The following UGT1A10 variants were observed in gnomAD, a reference collection of about 807,000 sequenced individuals.
UGT1A10 encodes the protein UDP-glucuronosyltransferase 1A10.
In UGT1A10, 49 loss-of-function variants were observed where a neutral mutation model predicts 45.8. The ratio of observed to expected loss-of-function variants is 1.07; its 90% CI spans 0.85 to 1.36. UGT1A10 has a LOEUF of 1.36. Among genes scored for constraint, UGT1A10 ranks in the 40% most tolerant of loss-of-function variants. UGT1A10 has a pLI of 0.00. For missense variants in UGT1A10, 745 were observed against 668.6 expected (o/e 1.11, Z -1.26); for synonymous variants, 284 against 249.7 (o/e 1.14, Z -1.29).
At chr2:233,726,413 T>C (rs2125719382) in intron 1 of UGT1A10, among the ~76,000 whole-genome samples, 1 of 152,348 alleles carries the variant, frequency 6.6e-6, no homozygotes, top group African/African-American at 2.4e-5. Context: ...GTCAGCATTC[T>C]GATTCTGTCC....
intron 1 of UGT1A10, chr2:233,728,967 A>C: frequency 8.9e-6 from 13 of 1,466,634 alleles, no homozygotes; most frequent in Non-Finnish European, 1.2e-5. Flanking sequence ...AAAAACAGTG[A>C]TAGATTAATG....
intron 1 of UGT1A10, among the ~76,000 whole-genome samples, chr2:233,728,063 G>A (rs1347092156): frequency 6.6e-6 from 1 of 152,218 alleles, no homozygotes; most frequent in African/African-American, 2.4e-5. Flanking sequence ...TGAGGCCCTT[G>A]TGAGTGCTCA....
chr2:233,727,191 G>A (rs764445830), intron 1 of UGT1A10, among the ~76,000 whole-genome samples: 4 of 152,118 alleles, frequency 2.6e-5, no homozygotes, highest in Non-Finnish European at 4.4e-5. Context: ...CTTTGCTGGG[G>A]TGACCTCACT....
intron 1 of UGT1A10, chr2:233,672,204 C>G: frequency 1.2e-6 from 2 of 1,614,170 alleles, no homozygotes; most frequent in Non-Finnish European, 1.7e-6. Context: ...ACCGGGAGTT[C>G]AAGGCTTTTG....
intron 1 of UGT1A10, among the ~76,000 whole-genome samples, chr2:233,640,760 A>G (rs1398038803): frequency 6.6e-6 from 1 of 152,166 alleles, no homozygotes; most frequent in Non-Finnish European, 1.5e-5. Context: ...AATCTTAGGT[A>G]GGGCCAACTC....
chr2:233,664,543 T>C (rs1206446534), intron 1 of UGT1A10, among the ~76,000 whole-genome samples: 2 of 152,212 alleles, frequency 1.3e-5, no homozygotes, highest in African/African-American at 4.8e-5. Flanking sequence ...TGGGGAAGCC[T>C]CAGGGAGTGT....
intron 1 of UGT1A10, among the ~76,000 whole-genome samples, chr2:233,738,560 A>T (rs943884340): frequency 6.6e-6 from 1 of 152,198 alleles, no homozygotes; most frequent in Non-Finnish European, 1.5e-5. Flanking sequence ...AGAGATGAGG[A>T]ATCTGTTGAG....
chr2:233,765,286 A>G (rs1698795381), intron 1 of UGT1A10, among the ~76,000 whole-genome samples: 1 of 152,246 alleles, frequency 6.6e-6, no homozygotes. Flanking sequence ...AAATTATTCT[A>G]CTATAAAGAC....
chr2:233,752,487 A>G (rs551015085), intron 1 of UGT1A10: 1 of 152,342 alleles, frequency 6.6e-6, no homozygotes, highest in South Asian at 2.1e-4. Context: ...TATGTTTTTG[A>G]GATGAGACAT....
intron 1 of UGT1A10, among the ~76,000 whole-genome samples, chr2:233,664,278 C>T (rs903836536): frequency 6.6e-6 from 1 of 152,200 alleles, no homozygotes; most frequent in African/African-American, 2.4e-5. Context: ...CTGTCTTCTT[C>T]TGAGCCCTCC....
intron 1 of UGT1A10, among the ~76,000 whole-genome samples, chr2:233,683,219 A>G (rs2074623574): frequency 6.6e-6 from 1 of 152,196 alleles, no homozygotes. Context: ...TTTTATCAAT[A>G]TAAAATCTAC....
At chr2:233,650,303 T>G (rs940291519) in intron 1 of UGT1A10, among the ~76,000 whole-genome samples, 1 of 152,184 alleles carries the variant, frequency 6.6e-6, no homozygotes, top group South Asian at 2.1e-4. Context: ...TAATTTCCAT[T>G]GAAGGGTTTG....
At chr2:233,705,767 T>G (rs886992171) in intron 1 of UGT1A10, among the ~76,000 whole-genome samples, 4 of 152,184 alleles carry the variant, frequency 2.6e-5, no homozygotes, top group South Asian at 2.1e-4. Context: ...CTGCATACTT[T>G]GAGTGTCTTA....
chr2:233,710,549 C>T (rs2076136542), intron 1 of UGT1A10, among the ~76,000 whole-genome samples: 1 of 152,072 alleles, frequency 6.6e-6, no homozygotes. Flanking sequence ...GATCATATGC[C>T]TGTTTTCTTT....
Position 233,690,683 on chromosome 2 carries a change from G to A in UGT1A10, c.855+53306G>A. ...CAACCAGGGCAGGCCTGGGTCTCCAGCGGAGCTACTCTTTAGGGATCGTCA... is the reference window on the plus strand; with the variant it reads ...CAACCAGGGCAGGCCTGGGTCTCCAACGGAGCTACTCTTTAGGGATCGTCA... On this transcript the variant is annotated intron_variant, in intron 1 of 4. Coordinates refer to ENST00000344644, the MANE Select transcript of UGT1A10 (RefSeq NM_019075.4). 4.0e-6 allele frequency: 5 copies of A among 1,258,652 alleles called. No individual in the cohort carries two copies. In the South Asian group the frequency reaches 5.4e-5, roughly 14 times the overall value. 78.0% of individuals were successfully genotyped at this position (1,258,652 alleles called of 1,614,324 possible).
rs2126030462 is a variant in UGT1A10 at position 233,767,128 on chromosome 2, T to C, written c.950T>C (p.Met317Thr). The change falls in exon 2 of 5, where the codon ATG (methionine) becomes ACG (threonine). Residue 317 changes from methionine to threonine, a missense_variant. Transcript: ENST00000344644. Reference protein sequence around the residue: ...MVSEIPEKKAMAIADALGKIP... With the variant: ...MVSEIPEKKATAIADALGKIP... ...TCAGAAATTCCAGAGAAGAAAGCTA[T>C]GGCAATTGCTGATGCTTTGGGCAAA... 1 of 1,614,150 alleles carries C rather than the reference T, an allele frequency of 6.2e-7. No individual in the cohort carries two copies. The highest frequency in any genetic ancestry group is 1.3e-5 in the African/African-American group (1 of 75,052).
At chr2:233,666,580 C>G (rs2074079312) in intron 1 of UGT1A10, among the ~76,000 whole-genome samples, 1 of 151,650 alleles carries the variant, frequency 6.6e-6, no homozygotes, top group Non-Finnish European at 1.5e-5. Context: ...GGATATTTAT[C>G]CTTTACCAGT....
rs28969684 is a variant in UGT1A10, at chr2:233,636,996, T to C, written c.474T>C (p.Ala158=). 3.1e-6 allele frequency: 5 copies of C among 1,614,148 alleles called. No individual in the cohort carries two copies. Among genetic ancestry groups the C allele is most frequent in the African/African-American group, 1.3e-5 (1 of 75,030 alleles). The stretch of plus-strand genomic sequence containing the variant: ...TTGATACCTGTGGCTTAATTGTTGC[T>C]AAATATTTCTCCCTCCCCTCTGTGG... ...DPFDTCGLIV[A]KYFSLPSVVF... Residue 158 remains alanine (A), a synonymous_variant, in exon 1 of 5, where the codon GCT becomes GCC. Coordinates refer to ENST00000344644, the MANE Select transcript of UGT1A10 (RefSeq NM_019075.4).
At chr2:233,713,052 A>G in intron 1 of UGT1A10, 1 of 1,614,106 alleles carries the variant, frequency 6.2e-7, no homozygotes, top group Non-Finnish European at 8.5e-7. Flanking sequence ...GCTTCTCCTC[A>G]GTGTCCAGCC....
Sources: gnomAD v4.1 joint callset for allele counts (sites outside exome capture counted in the v4.1 genomes callset) on GRCh38, gnomAD v4.1.1 for gene constraint, MANE v1.5 for transcripts, NCBI Gene and HGNC (gene_info 2026-07-23, HGNC 2026-07-21) for gene names.